Variants in HMGXB4 observed in about 807,000 individuals in gnomAD.
HMGXB4 encodes the protein HMG-box containing 4, also known as HMG domain-containing protein 4.
HMGXB4 carries 27 observed loss-of-function variants against 63.9 expected under a neutral mutation model. The ratio of observed to expected loss-of-function variants is 0.42; its 90% confidence interval spans 0.31 to 0.58. The LOEUF is 0.58. HMGXB4 is among the 20% of genes least tolerant of loss of function. The probability of loss-of-function intolerance (pLI) is 0.13; values close to 1 mark genes in which losing one functional copy is unlikely to be tolerated. For missense variants in HMGXB4, 624 were observed against 700.7 expected (o/e 0.89, Z 1.24); for synonymous variants, 264 against 265.3 (o/e 0.99, Z 0.05).
At chr22:35,264,616 A>AGAAG (rs1923070660) in intron 4 of HMGXB4, 32 bp from the exon 5 acceptor site, 1 of 1,476,582 alleles carries the variant, frequency 6.8e-7, no homozygotes, top group East Asian at 2.3e-5. Context: ...GCTTCCCATC[A>AGAAG]TATTGACAGT....
At position 35,264,888 on chromosome 22, in the gene HMGXB4, A is replaced by G. The variant is rs1203146534; in HGVS notation, c.500A>G (p.His167Arg). The G allele has an allele frequency of 6.2e-7, 1 of 1,614,076 alleles. No homozygotes were observed. Among genetic ancestry groups the G allele is most frequent in the Non-Finnish European group, 8.5e-7 (1 of 1,180,038 alleles). ...GELPLEDGGS[H>R]KSKKMKPLYV... ...CTACCCCTAGAGGATGGTGGCTCCCACAAATCGAAAAAAATGAAACCTCTC... is the reference window on the plus strand; with the variant it reads ...CTACCCCTAGAGGATGGTGGCTCCCGCAAATCGAAAAAAATGAAACCTCTC... The change falls in exon 5 of 11, where the codon CAC becomes CGC. Residue 167 changes from histidine to arginine, a missense_variant. His to Arg is a conservative substitution (Grantham distance 29, BLOSUM62 0). Around this residue, in one of 2 missense-constraint regions of HMGXB4, gnomAD observed 472 missense variants for 470.6 expected, o/e 1.00. Coordinates refer to ENST00000216106, the MANE Select transcript of HMGXB4 (RefSeq NM_001003681.3).
intron 5 of HMGXB4, among the ~76,000 whole-genome samples, chr22:35,282,709 G>A (rs1277982650): frequency 6.6e-6 from 1 of 152,130 alleles, no homozygotes; most frequent in Non-Finnish European, 1.5e-5. Context: ...GGGCTACCTG[G>A]GTTGTGGTTA....
chr22:35,262,472 C>G (rs554284950), intron 2 of HMGXB4, 51 bp downstream of exon 2: 1 of 1,552,762 alleles, frequency 6.4e-7, no homozygotes, highest in Non-Finnish European at 8.9e-7. Flanking sequence ...CCTCTTCAAT[C>G]CTTGCAGCCC....
At chr22:35,292,589 T>G (rs1002153582) in intron 9 of HMGXB4, among the ~76,000 whole-genome samples, 1 of 152,138 alleles carries the variant, frequency 6.6e-6, no homozygotes, top group African/African-American at 2.4e-5. Flanking sequence ...ACATGCAGGG[T>G]TGTAGGATTC....
chr22:35,276,804 T>A (rs1198182432), intron 5 of HMGXB4, among the ~76,000 whole-genome samples: 1 of 152,208 alleles, frequency 6.6e-6, no homozygotes, highest in Non-Finnish European at 1.5e-5. Flanking sequence ...TAAAATAGTG[T>A]TTTTAGTTTG....
At chr22:35,243,599 A>T in the HMGXB4 span, among the ~76,000 whole-genome samples, 3 of 151,312 alleles carry the variant, frequency 2.0e-5, no homozygotes, top group Non-Finnish European at 2.9e-5. Context: ...GCTGGAGTGC[A>T]GTGGTGTGAT....
At chr22:35,290,077 A>G (rs991930586) in intron 9 of HMGXB4, among the ~76,000 whole-genome samples, 4 of 152,248 alleles carry the variant, frequency 2.6e-5, no homozygotes, top group African/African-American at 9.6e-5. Context: ...GCACCTTCAT[A>G]TAGGCTCGAT....
At position 35,288,318 on chromosome 22, in the gene HMGXB4, C is replaced by T. The variant is rs1228811803; in HGVS notation, c.1549C>T (p.Pro517Ser). The change falls in exon 9 of 11, where the codon CCT becomes TCT. Residue 517 changes from proline (P) to serine (S), a missense_variant. Pro to Ser is a moderately conservative substitution (Grantham distance 74, BLOSUM62 -1). Around this residue, in one of 2 missense-constraint regions of HMGXB4, gnomAD observed 152 missense variants for 230.1 expected, o/e 0.66. Transcript: ENST00000216106. ...GTTACCAGCCTCACCAGCCAAAGCC[C>T]CTGAGACAGAGCCCATTGATGTTGC... ...MLLPASPAKAPETEPIDVAAH... is the reference protein window; with the variant it reads ...MLLPASPAKASETEPIDVAAH... 5 of 1,613,106 alleles carry T rather than the reference C, an allele frequency of 3.1e-6. No individual in the cohort carries two copies. The highest frequency in any genetic ancestry group is 4.2e-6 in the Non-Finnish European group (5 of 1,179,370).
upstream of HMGXB4, among the ~76,000 whole-genome samples, chr22:35,253,625 G>A (rs978924021): frequency 5.3e-5 from 8 of 152,074 alleles, no homozygotes; most frequent in African/African-American, 1.4e-4. Flanking sequence ...GCGTGTGTGT[G>A]TGTGTATGTG....
At position 35,294,366 on chromosome 22, in the gene HMGXB4, T is replaced by G. The variant is rs927516667; in HGVS notation, c.*715T>G. 1.3e-5 allele frequency: 2 copies of G among 152,642 alleles called. No individual in the cohort carries two copies. Among genetic ancestry groups the G allele is most frequent in the African/African-American group, 4.8e-5 (2 of 41,462 alleles). 9.5% of individuals were successfully genotyped at this position (152,642 alleles called of 1,614,324 possible). A position where few individuals can be genotyped will look rare whatever the true frequency, so the allele number is the denominator to read the frequency against. On this transcript the variant is annotated 3_prime_UTR_variant, in exon 11 of 11. Transcript: ENST00000216106. ...GGGTGAAGCTGTCAATGCCACCAGT[T>G]GGACCTCCATACATTCTGAGCTAAC...
chr22:35,276,776 G>T (rs1923937336), intron 5 of HMGXB4, among the ~76,000 whole-genome samples: 1 of 152,140 alleles, frequency 6.6e-6, no homozygotes, highest in African/African-American at 2.4e-5. Flanking sequence ...AACAGGACTG[G>T]CTTCACCAGA....
intron 5 of HMGXB4, among the ~76,000 whole-genome samples, chr22:35,272,491 G>A (rs1462103575): frequency 6.6e-6 from 1 of 152,188 alleles, no homozygotes; most frequent in East Asian, 1.9e-4. Flanking sequence ...GAAGAGTAGA[G>A]AAATTATATG....
the HMGXB4 span, among the ~76,000 whole-genome samples, chr22:35,250,557 T>C: frequency 6.6e-6 from 1 of 152,086 alleles, no homozygotes; most frequent in East Asian, 1.9e-4. Flanking sequence ...TCCCACTAGG[T>C]CCACCTCCAA....
chr22:35,278,594 C>T (rs1924044449), intron 5 of HMGXB4, among the ~76,000 whole-genome samples: 1 of 152,000 alleles, frequency 6.6e-6, no homozygotes, highest in Non-Finnish European at 1.5e-5. Context: ...TGTCATTAAA[C>T]CCCTTCCAAA....
intron 10 of HMGXB4, 86 bp from the exon 11 acceptor site, chr22:35,293,521 C>T: frequency 1.1e-6 from 1 of 898,110 alleles, no homozygotes; most frequent in South Asian, 1.4e-5. Flanking sequence ...TTTGATTTTT[C>T]TTATCTCTCT....
In HMGXB4 at chr22:35,276,614, C is replaced by T. The variant is rs190157507; in HGVS notation, c.1216-7348C>T. ...GAGGGTGTGTATGTGTTTGGGTGTG[C>T]GTGTGGTGCCTCTCCATTGTATCTT... On this transcript the variant is annotated intron_variant, in intron 5 of 10. Transcript: ENST00000216106. Among the ~76,000 whole-genome samples, 11 of 152,154 alleles carry T rather than the reference C, an allele frequency of 7.2e-5. No individual in the cohort carries two copies. In the East Asian group the frequency reaches 1.7e-3, roughly 24 times the overall value.
Position 35,294,616 on chromosome 22 carries a change from C to T in HMGXB4, c.*965C>T, listed in dbSNP as rs535097567. On this transcript the variant is annotated 3_prime_UTR_variant, in exon 11 of 11. Coordinates refer to ENST00000216106, the MANE Select transcript of HMGXB4 (RefSeq NM_001003681.3). ...TTGCAAAAACAAAACAAAACTCACT[C>T]TCTTGTAGGTTTATTTATGTGTGTG... 5.2e-5 allele frequency: 8 copies of T among 152,494 alleles called. No individual in the cohort carries two copies. The highest frequency in any genetic ancestry group is 1.2e-4 in the Non-Finnish European group (8 of 68,014). 9.4% of individuals were successfully genotyped at this position (152,494 alleles called of 1,614,324 possible).
chr22:35,289,784 A>G (rs1924819148), intron 9 of HMGXB4, among the ~76,000 whole-genome samples: 1 of 152,242 alleles, frequency 6.6e-6, no homozygotes, highest in Non-Finnish European at 1.5e-5. Context: ...TTCTATTACC[A>G]TATTCAATTT....
Position 35,287,443 on chromosome 22 carries a change from A to G in HMGXB4, c.1459A>G (p.Lys487Glu), listed in dbSNP as rs759909127. ...RKASSSEGSMKVKASSVGVLS... is the reference protein window; with the variant it reads ...RKASSSEGSMEVKASSVGVLS... Reference sequence around the variant, plus strand: ...AGCATCCAGCTCAGAAGGTTCCATGAAAGTCAAAGGTAGTGACCACATCCC... The same window carrying G: ...AGCATCCAGCTCAGAAGGTTCCATGGAAGTCAAAGGTAGTGACCACATCCC... Residue 487 changes from lysine to glutamate, a missense_variant, in exon 8 of 11, where the codon AAA (lysine) becomes GAA (glutamate). Transcript: ENST00000216106. 1.9e-6 allele frequency: 3 copies of G among 1,611,720 alleles called. No individual in the cohort carries two copies.
Sources: allele counts gnomAD v4.1 joint callset (sites outside exome capture counted in the v4.1 genomes callset), GRCh38; gene constraint gnomAD v4.1.1; regional missense constraint gnomAD v4.1.1; transcripts MANE v1.5; gene names NCBI Gene and HGNC (gene_info 2026-07-23, HGNC 2026-07-21).